The following GNPDA1 variants were observed in gnomAD, a reference collection of about 807,000 sequenced individuals.
The protein encoded by GNPDA1 is glucosamine-6-phosphate deaminase 1.
In GNPDA1, 24 loss-of-function variants were observed where a neutral mutation model predicts 28.5. The ratio of observed to expected loss-of-function variants is 0.84; its 90% CI spans 0.61 to 1.19. GNPDA1 has a LOEUF of 1.19. Ranked by LOEUF, GNPDA1 falls within the 50% of genes most tolerant of loss-of-function variation. The probability of loss-of-function intolerance (pLI) is 0.00; values close to 1 mark genes in which losing one functional copy is unlikely to be tolerated. For synonymous variants in GNPDA1, 147 were observed against 139.3 expected (o/e 1.06, Z -0.39); for missense variants, 264 against 367.3 (o/e 0.72, Z 2.30).
chr5:142,012,499 C>T (rs1486117305), intron 1 of GNPDA1: 1 of 154,814 alleles, frequency 6.5e-6, no homozygotes, highest in African/African-American at 2.4e-5. Flanking sequence ...CTGCCCCTAC[C>T]GGAACGGGAT....
rs1596733029 is a variant in GNPDA1 at position 142,003,374 on chromosome 5, C to G, written c.595-112G>C. The G allele has an allele frequency of 4.2e-6, 3 of 713,160 alleles. No individual in the cohort carries two copies. The highest frequency in any genetic ancestry group is 2.7e-5 in the East Asian group (1 of 37,060). The allele number at this position is 713,160 out of a possible 1,614,324, so 44.2% of individuals were successfully genotyped here. On this transcript the variant is annotated intron_variant, in intron 5 of 6. Coordinates refer to ENST00000311337, the MANE Select transcript of GNPDA1 (RefSeq NM_005471.5). This position sits in a 1 kb window ranked among gnomAD's most constrained non-coding sequence, Gnocchi z 4.0. ...TTGTAAGTGGTTACCATGCAACATA[C>G]TTTTGCTCAGTGCTCCCTGTGCTTT...
At chr5:142,010,198 A>C (rs1755908842) in intron 2 of GNPDA1, among the ~76,000 whole-genome samples, 1 of 152,154 alleles carries the variant, frequency 6.6e-6, no homozygotes, top group Non-Finnish European at 1.5e-5. Flanking sequence ...TATCGCTGTC[A>C]CCCAAGCTGG....
At chr5:142,009,567 G>A (rs1396289109) in intron 2 of GNPDA1, among the ~76,000 whole-genome samples, 1 of 152,082 alleles carries the variant, frequency 6.6e-6, no homozygotes, top group African/African-American at 2.4e-5. Flanking sequence ...TGCATACAGA[G>A]GGTACTCAAT....
chr5:142,009,062 G>A (rs1317844479), intron 2 of GNPDA1, among the ~76,000 whole-genome samples: 1 of 151,892 alleles, frequency 6.6e-6, no homozygotes, highest in East Asian at 1.9e-4. Flanking sequence ...AAAAAAAAGT[G>A]TGTGTGTGTG....
chr5:142,004,901 G>A, intron 5 of GNPDA1, 31 bp downstream of exon 5: 1 of 1,489,558 alleles, frequency 6.7e-7, no homozygotes, highest in Non-Finnish European at 9.2e-7. Flanking sequence ...AAGTCCACCA[G>A]CGCAAGCTGG....
At chr5:142,009,130 T>C (rs925587249) in intron 2 of GNPDA1, among the ~76,000 whole-genome samples, 2 of 152,164 alleles carry the variant, frequency 1.3e-5, no homozygotes. Flanking sequence ...ATGGTAACAA[T>C]TGGTGAATTT....
chr5:142,002,256 A>AT (rs1171946095), intron 6 of GNPDA1, 127 bp from the exon 7 acceptor site: 3 of 601,110 alleles, frequency 5.0e-6, no homozygotes, highest in Non-Finnish European at 8.8e-6. Context: ...TTTCTCTATG[A>AT]TCCCCAAATG....
rs1755801785 is a variant in GNPDA1 at position 142,006,258 on chromosome 5, T to C, written c.295A>G (p.Ile99Val). The change falls in exon 4 of 7, where the codon ATC becomes GTC. Residue 99 changes from isoleucine to valine, a missense_variant. Coordinates refer to ENST00000311337, the MANE Select transcript of GNPDA1 (RefSeq NM_005471.5). The stretch of plus-strand genomic sequence containing the variant: ...AGAATGTGGGTGTTTTCTGGGTGGA[T>C]GTCAATGTGCTTGAAGAAGTTGTTC... Reference protein sequence around the residue: ...MWNNFFKHIDIHPENTHILDG... With the variant: ...MWNNFFKHIDVHPENTHILDG... The C allele has an allele frequency of 1.2e-6, 2 of 1,614,030 alleles. No individual in the cohort carries two copies. The highest frequency in any genetic ancestry group is 1.7e-6 in the Non-Finnish European group (2 of 1,179,862).
rs771999594 is a variant in GNPDA1 at position 142,006,163 on chromosome 5, C to T, written c.390G>A (p.Gly130=). The T allele has an allele frequency of 9.9e-6, 16 of 1,613,336 alleles. No homozygotes were observed. In the East Asian group the frequency reaches 3.1e-4, roughly 31 times the overall value. The part of the protein sequence containing the change: ...AFEEKIKAAG[G]IELFVGGIGP... Reference sequence around the variant, plus strand: ...GCTCACCTCCAACAAATAGCTCGATCCCACCTGCAGCCTTGATCTTCTCTT... The same window carrying T: ...GCTCACCTCCAACAAATAGCTCGATTCCACCTGCAGCCTTGATCTTCTCTT... The change falls in exon 4 of 7, where the codon GGG becomes GGA. Residue 130 remains glycine, a synonymous_variant. Coordinates refer to ENST00000311337, the MANE Select transcript of GNPDA1 (RefSeq NM_005471.5).
At chr5:142,005,545 C>T in intron 4 of GNPDA1, 1 of 164,096 alleles carries the variant, frequency 6.1e-6, no homozygotes, top group Non-Finnish European at 1.3e-5. Flanking sequence ...CAGGGGCTGC[C>T]AAGGTTCTAA....
chr5:142,004,878 A>T, intron 5 of GNPDA1, 54 bp downstream of exon 5: 1 of 1,254,244 alleles, frequency 8.0e-7, no homozygotes, highest in Non-Finnish European at 1.1e-6. Context: ...GTTAAGATTA[A>T]CAAGAGAAAG....
intron 3 of GNPDA1, 93 bp downstream of exon 3, chr5:142,007,706 T>C: frequency 1.3e-6 from 1 of 745,790 alleles, no homozygotes; most frequent in East Asian, 2.5e-5. Flanking sequence ...CAAATGTCAC[T>C]GGCTCCCCGA....
At chr5:142,012,153 T>C in intron 1 of GNPDA1, 112 bp from the exon 2 acceptor site, 1 of 1,160,982 alleles carries the variant, frequency 8.6e-7, no homozygotes, top group Non-Finnish European at 1.2e-6. Flanking sequence ...CTTCCCAAGC[T>C]GTCTGAGCCA....
At chr5:142,011,756 G>T in intron 2 of GNPDA1, 156 bp downstream of exon 2, 1 of 708,678 alleles carries the variant, frequency 1.4e-6, no homozygotes, top group South Asian at 1.9e-5. Context: ...GGGAAGCTGG[G>T]TCCTTTGTAT....
chr5:142,004,752 G>A (rs188573263), intron 5 of GNPDA1, 180 bp downstream of exon 5: 2 of 469,882 alleles, frequency 4.3e-6, no homozygotes, highest in Admixed American at 3.2e-5. Context: ...CTCACACTGG[G>A]AATAATGATG....
Position 142,011,960 on chromosome 5 carries a change from G to A in GNPDA1, c.76C>T (p.Gln26Ter). ...TACTTCTCTGGCCCTGGGTTAAACTGGATGATGCGGTTCCTGATGTATTTA... is the reference window on the plus strand; with the variant it reads ...TACTTCTCTGGCCCTGGGTTAAACTAGATGATGCGGTTCCTGATGTATTTA... ...AAKYIRNRII[Q>*]FNPGPEKYFT... The change falls in exon 2 of 7, where the codon CAG becomes TAG. Residue 26 changes from glutamine (Q) to a stop codon, truncating the protein, a stop_gained. Coordinates refer to ENST00000311337, the MANE Select transcript of GNPDA1 (RefSeq NM_005471.5). LOFTEE classifies it high-confidence loss of function. 1 of 1,613,906 alleles carries A rather than the reference G, an allele frequency of 6.2e-7. No homozygotes were observed. Among genetic ancestry groups the A allele is most frequent in the Non-Finnish European group, 8.5e-7 (1 of 1,179,828 alleles).
intron 6 of GNPDA1, among the ~76,000 whole-genome samples, chr5:142,002,474 T>C (rs252118): frequency 0.88 from 134,113 of 152,214 alleles, 59,316 homozygotes; most frequent in East Asian, 0.98. Context: ...AAAGAAGGGC[T>C]GGGCATCGTG....
intron 4 of GNPDA1, 162 bp downstream of exon 4, chr5:142,005,964 GAGATCTCCAAGATAACAT>G (rs1441355665): frequency 1.3e-5 from 7 of 547,488 alleles, no homozygotes; most frequent in African/African-American, 1.9e-5. Flanking sequence ...ACTGCAGAAA[GAGATCTCCAAGATAACAT>G]AGTTCCTGAG....
In GNPDA1 at chr5:142,012,049, G is replaced by C. The variant is rs1237436484; in HGVS notation, c.-6-8C>G. 4 of 1,579,716 alleles carry C rather than the reference G, an allele frequency of 2.5e-6. No individual in the cohort carries two copies. Among genetic ancestry groups the C allele is most frequent in the Middle Eastern group, 1.7e-4 (1 of 5,962 alleles). ...GATGAGCTTCATCTTGTCCTGCAGT[G>C]GGGGAGAGGGGATGACAGAAAGGAA... On this transcript the variant is annotated splice_polypyrimidine_tract_variant and splice_region_variant and intron_variant, in intron 1 of 6. Coordinates refer to ENST00000311337, the MANE Select transcript of GNPDA1 (RefSeq NM_005471.5).
Sources: gnomAD v4.1 joint callset for allele counts (sites outside exome capture counted in the v4.1 genomes callset) on GRCh38, gnomAD v4.1.1 for gene constraint, Gnocchi (gnomAD v3.1) non-coding constraint, MANE v1.5 for transcripts, NCBI Gene and HGNC (gene_info 2026-07-23, HGNC 2026-07-21) for gene names.